The following TAF4B variants were observed in gnomAD, a reference collection of about 807,000 sequenced individuals.
TAF4B encodes TATA-box binding protein associated factor 4b, also known as transcription initiation factor TFIID subunit 4B.
In TAF4B, 38 loss-of-function variants were observed where a neutral mutation model predicts 86.4. That is an observed-to-expected ratio of 0.44 (90% confidence interval 0.34 to 0.58). TAF4B has a LOEUF of 0.58. Among genes scored for constraint, TAF4B ranks in the 20% least tolerant of loss-of-function variants. TAF4B has a pLI of 0.02. For missense variants in TAF4B, 988 were observed against 1,027.6 expected (o/e 0.96, Z 0.53); for synonymous variants, 388 against 391.2 (o/e 0.99, Z 0.10).
intron 13 of TAF4B, among the ~76,000 whole-genome samples, chr18:26,354,320 A>G (rs572703104): frequency 5.9e-5 from 9 of 152,156 alleles, no homozygotes; most frequent in Non-Finnish European, 1.0e-4. Flanking sequence ...TGATCTGCCC[A>G]CCTTGAACTC....
chr18:26,243,968 G>A (rs1366060096), intron 1 of TAF4B, among the ~76,000 whole-genome samples: 2 of 152,196 alleles, frequency 1.3e-5, no homozygotes, highest in Middle Eastern at 3.2e-3. Context: ...GGGGCACCTG[G>A]CTGTATGAGG....
At chr18:26,340,977 C>T (rs1226022493) in intron 13 of TAF4B, among the ~76,000 whole-genome samples, 2 of 151,836 alleles carry the variant, frequency 1.3e-5, no homozygotes, top group East Asian at 3.9e-4. Flanking sequence ...TACTGGTATA[C>T]CTTAAATGGA....
intron 13 of TAF4B, among the ~76,000 whole-genome samples, chr18:26,353,353 G>GT (rs2057260189): frequency 6.6e-6 from 1 of 152,156 alleles, no homozygotes. Flanking sequence ...AACACCATGT[G>GT]ATCCTATCAA....
intron 13 of TAF4B, among the ~76,000 whole-genome samples, chr18:26,349,515 C>CA (rs1236868775): frequency 6.6e-6 from 1 of 151,966 alleles, no homozygotes; most frequent in Non-Finnish European, 1.5e-5. Flanking sequence ...AGGAACTCTG[C>CA]AAGGAAAATT....
intron 14 of TAF4B, among the ~76,000 whole-genome samples, chr18:26,383,269 A>G (rs1044018389): frequency 1.3e-5 from 2 of 152,212 alleles, no homozygotes; most frequent in Non-Finnish European, 2.9e-5. Flanking sequence ...TTCTCACTGC[A>G]GTGTAAGCAA....
chr18:26,332,228 C>T (rs745963708), intron 12 of TAF4B, among the ~76,000 whole-genome samples: 1 of 152,170 alleles, frequency 6.6e-6, no homozygotes, highest in Non-Finnish European at 1.5e-5. Flanking sequence ...ACAACCAGCC[C>T]GGCAGCAAAT....
Position 26,257,344 on chromosome 18 carries a change from G to A in TAF4B, c.344-7826G>A, listed in dbSNP as rs1342452549. 4.6e-5 allele frequency among the ~76,000 whole-genome samples: 7 copies of A among 152,190 alleles called. No homozygotes were observed. In the East Asian group the frequency reaches 9.6e-4, roughly 21 times the overall value. On this transcript the variant is annotated intron_variant, in intron 1 of 14. Transcript: ENST00000269142. ...TGCCCTTCTTTATCTCTTGTTTAAA[G>A]TCTATTTTGATATTAGTATGGCCAC... is the stretch of plus-strand genomic sequence containing the variant.
intron 1 of TAF4B, among the ~76,000 whole-genome samples, chr18:26,235,777 T>G (rs1466812468): frequency 1.3e-5 from 2 of 152,184 alleles, no homozygotes; most frequent in Non-Finnish European, 2.9e-5. Flanking sequence ...CTGCTTCTTC[T>G]GGTATTTGAG....
At chr18:26,319,454 T>G (rs1053536221) in intron 10 of TAF4B, among the ~76,000 whole-genome samples, 2 of 152,004 alleles carry the variant, frequency 1.3e-5, no homozygotes, top group Non-Finnish European at 2.9e-5. Context: ...GAGTGGAGAT[T>G]GCACCACTGC....
intron 5 of TAF4B, among the ~76,000 whole-genome samples, chr18:26,278,299 A>AT (rs201554228): frequency 5.9e-4 from 89 of 151,124 alleles, no homozygotes; most frequent in Admixed American, 2.0e-3. Flanking sequence ...AATTGGGTCT[A>AT]TTTTTTTTTA....
chr18:26,275,121 C>T (rs1023114216), intron 5 of TAF4B, 68 bp downstream of exon 5: 51 of 1,440,804 alleles, frequency 3.5e-5, no homozygotes, highest in South Asian at 9.0e-5. Context: ...TTGGGAAATG[C>T]ATATTTTTAA....
chr18:26,286,615 A>C, intron 7 of TAF4B, 116 bp downstream of exon 7: 2 of 1,133,020 alleles, frequency 1.8e-6, no homozygotes, highest in Non-Finnish European at 2.3e-6. Flanking sequence ...GGGTTTGACC[A>C]ATTAATTTTT....
chr18:26,262,439 T>G (rs543519844), intron 1 of TAF4B, among the ~76,000 whole-genome samples: 1 of 151,914 alleles, frequency 6.6e-6, no homozygotes, highest in African/African-American at 2.4e-5. Flanking sequence ...CCAATAACTG[T>G]AGTCATTTTC....
At chr18:26,319,048 G>C (rs2056937308) in intron 10 of TAF4B, among the ~76,000 whole-genome samples, 2 of 152,084 alleles carry the variant, frequency 1.3e-5, no homozygotes, top group South Asian at 4.2e-4. Context: ...TAAAAAAGTA[G>C]TTGGGCCTGT....
In TAF4B at chr18:26,390,892, A is replaced by G. The variant is rs1246121172; in HGVS notation, c.*880A>G. The G allele has an allele frequency of 1.3e-5, 2 of 152,210 alleles. No homozygotes were observed. The highest frequency in any genetic ancestry group is 4.8e-5 in the African/African-American group (2 of 41,452). 9.4% of individuals were successfully genotyped at this position (152,210 alleles called of 1,614,324 possible). ...AATCACAGCACAACCAGAAAGGAGA[A>G]TGTACCAGATGTTTTCAAATTAGAG... is the stretch of plus-strand genomic sequence containing the variant. On this transcript the variant is annotated 3_prime_UTR_variant, in exon 15 of 15. Coordinates refer to ENST00000269142, the MANE Select transcript of TAF4B (RefSeq NM_005640.3).
At chr18:26,303,355 C>T (rs1216294682) in intron 9 of TAF4B, among the ~76,000 whole-genome samples, 4 of 127,770 alleles carry the variant, frequency 3.1e-5, no homozygotes, top group Non-Finnish European at 7.1e-5. Flanking sequence ...ATACCCCCTC[C>T]ACTTTCATCC....
chr18:26,243,881 G>GGA lies in TAF4B; in HGVS notation c.343+16607_343+16608dup, dbSNP rs2055880983. Among the ~76,000 whole-genome samples, 3 of 152,192 alleles carry GGA rather than the reference G, an allele frequency of 2.0e-5. No homozygotes were observed. In the East Asian group the frequency reaches 5.8e-4, roughly 29 times the overall value. On this transcript the variant is annotated intron_variant, in intron 1 of 14. Transcript: ENST00000269142. ...CCCTGTTTGGCTGGGTATCACCAGT[G>GGA]GAGGCTGCAGTACAGCAAATATTGC... is the stretch of plus-strand genomic sequence containing the variant.
At chr18:26,300,466 GTT>G (rs138242428) in intron 9 of TAF4B, among the ~76,000 whole-genome samples, 210 of 119,296 alleles carry the variant, frequency 1.8e-3, no homozygotes, top group Non-Finnish European at 2.6e-3. Flanking sequence ...TATAGGGTGT[GTT>G]TTTTTTTTTT....
chr18:26,344,535 G>A (rs1465066069), intron 13 of TAF4B, among the ~76,000 whole-genome samples: 4 of 152,160 alleles, frequency 2.6e-5, no homozygotes, highest in Admixed American at 2.0e-4. Flanking sequence ...ATTGCCAACA[G>A]AGTTGCTGTA....
Sources: allele counts gnomAD v4.1 joint callset (sites outside exome capture counted in the v4.1 genomes callset), GRCh38; gene constraint gnomAD v4.1.1; transcripts MANE v1.5; gene names NCBI Gene and HGNC (gene_info 2026-07-23, HGNC 2026-07-21).